PGBD5: variants seen among roughly 807,000 people sequenced by gnomAD.
The protein encoded by PGBD5 is piggyBac transposable element-derived protein 5.
Under a neutral mutation model 47.9 loss-of-function variants are expected in PGBD5, and 14 were observed. That is an observed-to-expected ratio of 0.29 (90% CI 0.19 to 0.46). The LOEUF is 0.46. Among genes scored for constraint, PGBD5 ranks in the 20% least tolerant of loss-of-function variants. The pLI is 1.00. For missense variants in PGBD5, 635 were observed against 716.0 expected (o/e 0.89, Z 1.29); for synonymous variants, 316 against 306.3 (o/e 1.03, Z -0.33).
At chr1:230,346,768 C>T (rs1159921519) in intron 3 of PGBD5, among the ~76,000 whole-genome samples, 2 of 152,124 alleles carry the variant, frequency 1.3e-5, no homozygotes, top group South Asian at 2.1e-4. Flanking sequence ...TTCCTGTAGT[C>T]CTGCGACGTA....
chr1:230,349,973 T>A (rs946594599), intron 3 of PGBD5, among the ~76,000 whole-genome samples: 1 of 151,772 alleles, frequency 6.6e-6, no homozygotes, highest in Admixed American at 6.5e-5. Flanking sequence ...AGGGAAGACA[T>A]TTTCCCGGAG....
intron 1 of PGBD5, among the ~76,000 whole-genome samples, chr1:230,374,864 T>A (rs1667986963): frequency 6.6e-6 from 1 of 152,212 alleles, no homozygotes; most frequent in African/African-American, 2.4e-5. Flanking sequence ...TTAAACAACA[T>A]TTAGTCCTTA....
intron 1 of PGBD5, among the ~76,000 whole-genome samples, chr1:230,369,546 G>A (rs370190648): frequency 2.5e-4 from 38 of 152,264 alleles, no homozygotes; most frequent in Middle Eastern, 3.4e-3. Context: ...CCAAAGGTGC[G>A]CAGCCCTGCT....
chr1:230,339,746 G>A (rs768192122), intron 3 of PGBD5, among the ~76,000 whole-genome samples: 12 of 152,180 alleles, frequency 7.9e-5, no homozygotes, highest in Admixed American at 2.0e-4. Context: ...GAAATAAGCC[G>A]AGCACAGGAA....
rs1002629610 is a variant in PGBD5, at chr1:230,316,707, C to T, written c.*6718G>A. ...GGGAACAAGGAACCCTCACATGGAT[C>T]GTCAGGCTGGAGGAGTAGGTGGGCA... On this transcript the variant is annotated 3_prime_UTR_variant, in exon 7 of 7. Coordinates refer to ENST00000391860, the MANE Select transcript of PGBD5 (RefSeq NM_001258311.2). The T allele has an allele frequency of 3.3e-5, 5 of 152,070 alleles. No individual in the cohort carries two copies. The highest frequency in any genetic ancestry group is 2.1e-4 in the South Asian group (1 of 4,822). 9.4% of individuals were successfully genotyped at this position (152,070 alleles called of 1,614,324 possible). A position where few individuals can be genotyped will look rare whatever the true frequency, so the allele number is the denominator to read the frequency against.
intron 5 of PGBD5, among the ~76,000 whole-genome samples, chr1:230,326,327 A>G (rs1009502179): frequency 2.0e-5 from 3 of 152,230 alleles, no homozygotes; most frequent in African/African-American, 7.2e-5. Flanking sequence ...CTGAGGCAGG[A>G]GAATCACTTG....
chr1:230,368,445 G>GA (rs1667876913), intron 1 of PGBD5, among the ~76,000 whole-genome samples: 4 of 152,242 alleles, frequency 2.6e-5, no homozygotes, highest in South Asian at 2.1e-4. Flanking sequence ...GGGGTTAAAA[G>GA]AAAAAGTGTG....
chr1:230,350,240 G>A (rs529302954), intron 3 of PGBD5, among the ~76,000 whole-genome samples: 3 of 152,336 alleles, frequency 2.0e-5, no homozygotes, highest in Non-Finnish European at 2.9e-5. Context: ...GCAGGGAGAC[G>A]TCACTTAGGA....
intron 1 of PGBD5, among the ~76,000 whole-genome samples, chr1:230,406,457 A>G (rs1421976273): frequency 6.6e-6 from 1 of 152,148 alleles, no homozygotes. Flanking sequence ...AGAGCCTTGA[A>G]GTATATAAAC....
intron 1 of PGBD5, among the ~76,000 whole-genome samples, chr1:230,413,905 A>G (rs778051428): frequency 1.3e-5 from 2 of 152,184 alleles, no homozygotes; most frequent in African/African-American, 2.4e-5. Context: ...CACTCTATAA[A>G]TATCTGCCAA....
At chr1:230,367,836 TCGCG>T (rs1667862806) in intron 1 of PGBD5, 8 of 111,402 alleles carry the variant, frequency 7.2e-5, no homozygotes, top group Non-Finnish European at 9.5e-5. Context: ...AAGAGCATTC[TCGCG>T]TCCAATTTCA....
intron 3 of PGBD5, among the ~76,000 whole-genome samples, chr1:230,350,147 C>G (rs540211043): frequency 2.0e-5 from 3 of 152,326 alleles, no homozygotes; most frequent in Admixed American, 1.3e-4. Flanking sequence ...AGTGAGCGTG[C>G]GGTCAGCAGT....
chr1:230,413,538 C>CA lies in PGBD5; in HGVS notation c.331+12059dup, dbSNP rs1462767074. ...GGGAGGGGAAGAGAGGGAGGATGTG[C>CA]AAAAACAGACAAGATTATGATTGAG... is the stretch of plus-strand genomic sequence containing the variant. On this transcript the variant is annotated intron_variant, in intron 1 of 6. Transcript: ENST00000391860. Among the ~76,000 whole-genome samples, 115 of 152,042 alleles carry CA rather than the reference C, an allele frequency of 7.6e-4. 1 individual carries two copies. The highest frequency in any genetic ancestry group is 1.8e-4 in the Non-Finnish European group (12 of 67,962).
chr1:230,355,071 AGT>A (rs1406924910), intron 2 of PGBD5, among the ~76,000 whole-genome samples: 3 of 152,126 alleles, frequency 2.0e-5, no homozygotes, highest in Non-Finnish European at 4.4e-5. Flanking sequence ...AGCAAATACA[AGT>A]GAGCCGCAGA....
At chr1:230,416,482 C>T (rs1034941796) in intron 1 of PGBD5, among the ~76,000 whole-genome samples, 7 of 152,184 alleles carry the variant, frequency 4.6e-5, no homozygotes, top group Non-Finnish European at 8.8e-5. Context: ...GGTCTCCACA[C>T]ATGATAAATA....
In PGBD5 at chr1:230,425,644, G is replaced by A; in HGVS notation, c.285C>T (p.Ser95=). The change falls in exon 1 of 7, where the codon AGC becomes AGT. Residue 95 remains serine, a synonymous_variant. Coordinates refer to ENST00000391860, the MANE Select transcript of PGBD5 (RefSeq NM_001258311.2). The surrounding 1 kb of genome is among the most constrained non-coding windows in gnomAD (Gnocchi z 4.7). ...PEEDEAGAGW[S]AALRDRPPPR... is the part of the protein sequence containing the mutation. ...GGGGCGGGCGGTCCCGCAGCGCTGC[G>A]CTCCAGCCCGCGCCGGCCTCGTCCT... The A allele has an allele frequency of 1.6e-6, 2 of 1,220,336 alleles. No individual in the cohort carries two copies. Among genetic ancestry groups the A allele is most frequent in the South Asian group, 4.1e-5 (1 of 24,232 alleles). 75.6% of individuals were successfully genotyped at this position (1,220,336 alleles called of 1,614,324 possible).
intron 1 of PGBD5, among the ~76,000 whole-genome samples, chr1:230,361,811 G>A (rs1667746175): frequency 6.6e-6 from 1 of 152,250 alleles, no homozygotes; most frequent in African/African-American, 2.4e-5. Flanking sequence ...CAGGCTCAGA[G>A]GAGAGCTGTG....
chr1:230,391,357 C>T (rs931890295), intron 1 of PGBD5, among the ~76,000 whole-genome samples: 1 of 152,232 alleles, frequency 6.6e-6, no homozygotes, highest in Admixed American at 6.5e-5. Flanking sequence ...ATTTTGCCCC[C>T]TCATTTTCTC....
chr1:230,370,304 C>T lies in PGBD5; in HGVS notation c.332-12983G>A, dbSNP rs115125251. On this transcript the variant is annotated intron_variant, in intron 1 of 6. Transcript: ENST00000391860. The stretch of plus-strand genomic sequence containing the variant: ...GGAAACAAGGGAAAGGTCAGCGCTG[C>T]GGTTCGTGAGCCGTGGGGACTCTGC... 3.8e-3 allele frequency among the ~76,000 whole-genome samples: 586 copies of T among 152,300 alleles called. 4 individuals are homozygous for T. Among genetic ancestry groups the T allele is most frequent in the African/African-American group, 0.014 (565 of 41,558 alleles).
Sources: allele counts gnomAD v4.1 joint callset (sites outside exome capture counted in the v4.1 genomes callset), GRCh38; gene constraint gnomAD v4.1.1; non-coding constraint Gnocchi (gnomAD v3.1); transcripts MANE v1.5; gene names NCBI Gene and HGNC (gene_info 2026-07-23, HGNC 2026-07-21).